MACROD2: variants seen among roughly 807,000 people sequenced by gnomAD.
MACROD2 encodes the protein mono-ADP ribosylhydrolase 2, also known as ADP-ribose glycohydrolase MACROD2.
In MACROD2, 36 loss-of-function variants were observed where a neutral mutation model predicts 70.4. That is an observed-to-expected ratio of 0.51 (90% confidence interval 0.39 to 0.68). The LOEUF (loss-of-function observed/expected upper bound fraction) is 0.68. MACROD2 is among the 30% of genes least tolerant of loss of function. The pLI is 0.00. For missense variants in MACROD2, 496 were observed against 538.4 expected (o/e 0.92, Z 0.78); for synonymous variants, 172 against 178.8 (o/e 0.96, Z 0.30).
chr20:15,749,736 A>G (rs2051239381), intron 8 of MACROD2, among the ~76,000 whole-genome samples: 1 of 152,112 alleles, frequency 6.6e-6, no homozygotes, highest in South Asian at 2.1e-4. Context: ...ATGAGAAGTG[A>G]TTACACATGT....
At chr20:15,447,979 C>T (rs138259007) in intron 7 of MACROD2, among the ~76,000 whole-genome samples, 211 of 152,028 alleles carry the variant, frequency 1.4e-3, no homozygotes, top group African/African-American at 4.8e-3. Context: ...AGTTCCCCAC[C>T]CTAGAACCTA....
intron 8 of MACROD2, among the ~76,000 whole-genome samples, chr20:15,783,253 A>G (rs1191345751): frequency 6.6e-6 from 1 of 152,104 alleles, no homozygotes; most frequent in Admixed American, 6.5e-5. Flanking sequence ...TTATATGGGC[A>G]TCTTTAACTC....
intron 3 of MACROD2, among the ~76,000 whole-genome samples, chr20:14,345,044 G>C (rs2083049708): frequency 6.6e-6 from 1 of 152,158 alleles, no homozygotes; most frequent in African/African-American, 2.4e-5. Context: ...ACTGACCAAA[G>C]AGTAGGAAAG....
intron 5 of MACROD2, among the ~76,000 whole-genome samples, chr20:14,889,632 A>T (rs549444667): frequency 6.6e-6 from 1 of 152,286 alleles, no homozygotes; most frequent in Admixed American, 6.5e-5. Context: ...TCAGCCAGGG[A>T]AGTCCCAGGA....
At chr20:14,425,909 T>C (rs2083927566) in intron 3 of MACROD2, among the ~76,000 whole-genome samples, 1 of 152,198 alleles carries the variant, frequency 6.6e-6, no homozygotes, top group Admixed American at 6.5e-5. Context: ...TCTGAAAATA[T>C]ACCTTTTACT....
Position 15,084,670 on chromosome 20 carries a change from G to A in MACROD2, c.419-145270G>A, listed in dbSNP as rs116141608. Among the ~76,000 whole-genome samples the A allele has an allele frequency of 7.8e-3, 1,184 of 152,222 alleles. 16 individuals are homozygous for A. Among genetic ancestry groups the A allele is most frequent in the African/African-American group, 0.028 (1,155 of 41,556 alleles). The stretch of plus-strand genomic sequence containing the variant: ...CTTTGTTTGTATTTTCCCTGTTACT[G>A]TATTATGAATAATTTTAGATGTGGA... On this transcript the variant is annotated intron_variant, in intron 5 of 17. Transcript: ENST00000684519.
chr20:14,552,514 T>TAAAA (rs1978726385), intron 4 of MACROD2, among the ~76,000 whole-genome samples: 1 of 151,666 alleles, frequency 6.6e-6, no homozygotes, highest in Admixed American at 6.6e-5. Context: ...AGAGTCTTAT[T>TAAAA]AAAAACACTG....
At chr20:14,492,156 C>G (rs757714300) in intron 3 of MACROD2, among the ~76,000 whole-genome samples, 3 of 152,168 alleles carry the variant, frequency 2.0e-5, no homozygotes, top group Non-Finnish European at 4.4e-5. Context: ...GTGTAAATAT[C>G]ACACACTTAC....
intron 6 of MACROD2, among the ~76,000 whole-genome samples, chr20:15,275,745 G>A (rs1452884656): frequency 6.6e-6 from 1 of 152,108 alleles, no homozygotes; most frequent in Non-Finnish European, 1.5e-5. Flanking sequence ...GCTATATCTG[G>A]CACAGGTGAC....
In MACROD2 at chr20:15,885,822, C is replaced by A; in HGVS notation, c.775+11C>A. The A allele has an allele frequency of 6.7e-7, 1 of 1,496,172 alleles. No individual in the cohort carries two copies. Among genetic ancestry groups the A allele is most frequent in the South Asian group, 1.3e-5 (1 of 75,682 alleles). The allele number at this position is 1,496,172 out of a possible 1,614,324, so 92.7% of individuals were successfully genotyped here. ...TGAAAGAAGATTCAGGTATTAAATT[C>A]ATACTTTTATTATTAGGGGGTAGGT... On this transcript the variant is annotated intron_variant, in intron 10 of 17. Coordinates refer to ENST00000684519, the MANE Select transcript of MACROD2 (RefSeq NM_001351661.2).
At chr20:14,978,906 T>TAAAATA (rs1467597417) in intron 5 of MACROD2, among the ~76,000 whole-genome samples, 597 of 5,766 alleles carry the variant, frequency 0.1, 8 homozygotes, top group Non-Finnish European at 0.25. Context: ...ATATAATATA[T>TAAAATA]TATATATAAT....
intron 5 of MACROD2, among the ~76,000 whole-genome samples, chr20:14,689,990 AT>A (rs750033719): frequency 8.7e-5 from 13 of 148,930 alleles, no homozygotes; most frequent in Non-Finnish European, 1.8e-4. Context: ...TCAATTATCC[AT>A]TGTGTTTTTA....
chr20:15,271,053 G>A (rs1018751417), intron 6 of MACROD2, among the ~76,000 whole-genome samples: 2 of 152,056 alleles, frequency 1.3e-5, no homozygotes, highest in Non-Finnish European at 2.9e-5. Flanking sequence ...TAAGCTTCAG[G>A]CCCCACAAAA....
At chr20:14,639,195 T>G (rs965999283) in intron 4 of MACROD2, among the ~76,000 whole-genome samples, 2 of 152,144 alleles carry the variant, frequency 1.3e-5, no homozygotes, top group East Asian at 1.9e-4. Context: ...GTAAGCTGTT[T>G]CCATTTTAGT....
intron 6 of MACROD2, among the ~76,000 whole-genome samples, chr20:15,402,437 G>T (rs2045942836): frequency 6.6e-6 from 1 of 152,184 alleles, no homozygotes; most frequent in African/African-American, 2.4e-5. Context: ...TAATAAAATT[G>T]TGAAAAATTT....
intron 5 of MACROD2, among the ~76,000 whole-genome samples, chr20:14,762,381 A>G (rs1232159357): frequency 6.6e-6 from 1 of 152,132 alleles, no homozygotes; most frequent in Non-Finnish European, 1.5e-5. Context: ...CTCCTTTGAA[A>G]TAGATAAGAG....
At chr20:15,955,880 T>C (rs2065969985) in intron 12 of MACROD2, among the ~76,000 whole-genome samples, 1 of 152,166 alleles carries the variant, frequency 6.6e-6, no homozygotes, top group Admixed American at 6.6e-5. Context: ...TAGGCTGATC[T>C]GTGCAGCAAA....
At chr20:15,872,198 T>C (rs1304373813) in intron 9 of MACROD2, among the ~76,000 whole-genome samples, 2 of 152,190 alleles carry the variant, frequency 1.3e-5, no homozygotes, top group South Asian at 2.1e-4. Flanking sequence ...TCCAATCATA[T>C]GGTATATCCA....
At chr20:15,153,325 T>C (rs1420026822) in intron 5 of MACROD2, among the ~76,000 whole-genome samples, 1 of 152,068 alleles carries the variant, frequency 6.6e-6, no homozygotes, top group Admixed American at 6.5e-5. Context: ...GGTTGTTCTC[T>C]GGCAGGCAGG....
Sources: allele counts gnomAD v4.1 joint callset (sites outside exome capture counted in the v4.1 genomes callset), GRCh38; gene constraint gnomAD v4.1.1; transcripts MANE v1.5; gene names NCBI Gene and HGNC (gene_info 2026-07-23, HGNC 2026-07-21).